The following RFX4 variants were observed in gnomAD, a reference collection of about 807,000 sequenced individuals.
RFX4 encodes transcription factor RFX4.
In RFX4, 10 loss-of-function variants were observed where a neutral mutation model predicts 95.0. The observed-to-expected ratio is 0.11, with a 90% CI of 0.06 to 0.18. The LOEUF is 0.18. Among genes scored for constraint, RFX4 ranks in the 10% least tolerant of loss-of-function variants. The pLI, the probability that RFX4 is intolerant of heterozygous loss-of-function variation, is 1.00. For missense variants in RFX4, 640 were observed against 922.0 expected (o/e 0.69, Z 3.96); for synonymous variants, 321 against 340.7 (o/e 0.94, Z 0.64).
chr12:106,733,312 T>G, intron 15 of RFX4: 1 of 415,266 alleles, frequency 2.4e-6, no homozygotes, highest in Non-Finnish European at 4.3e-6. Flanking sequence ...CAGTGAGACC[T>G]TGTCTCAAAA....
intron 1 of RFX4, among the ~76,000 whole-genome samples, chr12:106,608,054 T>A (rs2137201277): frequency 1.3e-5 from 2 of 152,118 alleles, no homozygotes; most frequent in Non-Finnish European, 2.9e-5. Flanking sequence ...TTAGCCGAAC[T>A]TGGTGGCGGG....
At chr12:106,712,773 AT>A (rs59951084) in intron 10 of RFX4, among the ~76,000 whole-genome samples, 30,510 of 151,992 alleles carry the variant, frequency 0.2, 3,387 homozygotes, top group South Asian at 0.28. Context: ...AAGAAGGTGA[AT>A]ATTGGCCTAA....
intron 3 of RFX4, among the ~76,000 whole-genome samples, chr12:106,651,521 C>T (rs1028346764): frequency 1.3e-5 from 2 of 152,204 alleles, no homozygotes; most frequent in African/African-American, 2.4e-5. Context: ...ATCTACACAT[C>T]AATCTCTCTG....
Position 106,741,952 on chromosome 12 carries a change from A to G in RFX4, c.1634-5485A>G, listed in dbSNP as rs143495001. Among the ~76,000 whole-genome samples the G allele has an allele frequency of 6.0e-3, 917 of 152,300 alleles. 4 individuals carry two copies. The highest frequency in any genetic ancestry group is 0.037 in the Middle Eastern group (11 of 294). ...AATCGAATGCTGCTTCTGATCTGAT[A>G]GGAGGCAGAGCTCAGGCAGTAATGC... On this transcript the variant is annotated intron_variant, in intron 15 of 17. Coordinates refer to ENST00000392842, the MANE Select transcript of RFX4 (RefSeq NM_213594.3).
intron 3 of RFX4, among the ~76,000 whole-genome samples, chr12:106,651,064 CAT>C: frequency 6.6e-6 from 1 of 152,252 alleles, no homozygotes; most frequent in Non-Finnish European, 1.5e-5. Flanking sequence ...TAAGCCAAAT[CAT>C]ATCCATTTGT....
chr12:106,698,199 C>T (rs922516411), intron 8 of RFX4, among the ~76,000 whole-genome samples: 1 of 152,000 alleles, frequency 6.6e-6, no homozygotes, highest in Non-Finnish European at 1.5e-5. Context: ...GTCTTGAACT[C>T]CTGACCTCAG....
intron 13 of RFX4, among the ~76,000 whole-genome samples, chr12:106,727,374 C>G (rs1007283504): frequency 3.3e-5 from 5 of 152,132 alleles, no homozygotes; most frequent in African/African-American, 1.2e-4. Flanking sequence ...CAGCAAACAT[C>G]ACACTTAATG....
chr12:106,621,029 C>T (rs1000647120), intron 2 of RFX4, among the ~76,000 whole-genome samples: 16 of 152,166 alleles, frequency 1.1e-4, no homozygotes, highest in East Asian at 1.9e-4. Flanking sequence ...TAAAAATCAC[C>T]GTTATTCTGT....
At chr12:106,630,494 C>T (rs1276836037) in intron 2 of RFX4, among the ~76,000 whole-genome samples, 1 of 152,216 alleles carries the variant, frequency 6.6e-6, no homozygotes, top group African/African-American at 2.4e-5. Context: ...GGCTGATGCC[C>T]ACTGCCAAAG....
intron 2 of RFX4, among the ~76,000 whole-genome samples, chr12:106,627,429 G>T (rs1229019818): frequency 2.0e-5 from 3 of 152,140 alleles, no homozygotes; most frequent in Non-Finnish European, 4.4e-5. Context: ...CAGCTACTTG[G>T]GAGGCTGAGG....
At position 106,637,601 on chromosome 12, in the gene RFX4, C is replaced by G. The variant is rs551752893; in HGVS notation, c.131-1731C>G. On this transcript the variant is annotated intron_variant, in intron 2 of 17. Coordinates refer to ENST00000392842, the MANE Select transcript of RFX4 (RefSeq NM_213594.3). The stretch of plus-strand genomic sequence containing the variant: ...TTTTCTTCTTGAGATTGTTATTTAT[C>G]CTAATTATCTTGGGCCAAATTTTGT... Among the ~76,000 whole-genome samples, 15 of 152,012 alleles carry G rather than the reference C, an allele frequency of 9.9e-5. No individual in the cohort carries two copies. The South Asian group carries it at 3.1e-3, about 32-fold the overall frequency.
Position 106,682,001 on chromosome 12 carries a change from G to A in RFX4, c.324G>A (p.Arg108=). The A allele has an allele frequency of 1.2e-6, 2 of 1,614,158 alleles. No individual in the cohort carries two copies. The highest frequency in any genetic ancestry group is 4.5e-5 in the East Asian group (2 of 44,886). ...VNAASFGKII[R]QQFPQLTTRR... ...CTTGTGTTGACTTACAGATCATAAG[G>A]CAGCAGTTTCCTCAGTTAACCACCA... is the stretch of plus-strand genomic sequence containing the variant. The change falls in exon 5 of 18, where the codon AGG becomes AGA. Residue 108 remains arginine, a synonymous_variant. Coordinates refer to ENST00000392842, the MANE Select transcript of RFX4 (RefSeq NM_213594.3).
At chr12:106,674,607 G>A (rs1403785578) in intron 4 of RFX4, among the ~76,000 whole-genome samples, 1 of 151,282 alleles carries the variant, frequency 6.6e-6, no homozygotes, top group Non-Finnish European at 1.5e-5. Context: ...TGGGATTATA[G>A]GCATGAACCA....
chr12:106,743,527 A>AT (rs2042841802), intron 15 of RFX4, among the ~76,000 whole-genome samples: 2 of 152,250 alleles, frequency 1.3e-5, no homozygotes, highest in South Asian at 4.2e-4. Flanking sequence ...ACAGGAGCCC[A>AT]TTTTTCCAAG....
intron 8 of RFX4, among the ~76,000 whole-genome samples, chr12:106,704,065 CAA>C (rs34213070): frequency 0.073 from 3,001 of 40,890 alleles, 167 homozygotes; most frequent in African/African-American, 0.2. Flanking sequence ...GACACTGTCT[CAA>C]AAAAAAAAAA....
chr12:106,627,920 C>T (rs142729863), intron 2 of RFX4, among the ~76,000 whole-genome samples: 1 of 152,294 alleles, frequency 6.6e-6, no homozygotes, highest in Non-Finnish European at 1.5e-5. Context: ...AGAGCTAGGG[C>T]AACACTGAGA....
intron 5 of RFX4, among the ~76,000 whole-genome samples, chr12:106,686,279 C>T (rs958088476): frequency 6.6e-6 from 1 of 151,988 alleles, no homozygotes; most frequent in African/African-American, 2.4e-5. Context: ...GGTGTGGTGG[C>T]ACATGCCTGT....
intron 3 of RFX4, among the ~76,000 whole-genome samples, chr12:106,645,450 A>G (rs1024340516): frequency 5.9e-5 from 9 of 151,930 alleles, no homozygotes; most frequent in African/African-American, 1.7e-4. Flanking sequence ...TACTGAAGAA[A>G]TGAGGCTCTT....
At chr12:106,653,417 C>G (rs2040893233) in intron 3 of RFX4, among the ~76,000 whole-genome samples, 1 of 152,282 alleles carries the variant, frequency 6.6e-6, no homozygotes, top group African/African-American at 2.4e-5. Flanking sequence ...CACACGTTAC[C>G]TCGTCTGATC....
Sources: gnomAD v4.1 joint callset for allele counts (sites outside exome capture counted in the v4.1 genomes callset) on GRCh38, gnomAD v4.1.1 for gene constraint, MANE v1.5 for transcripts, NCBI Gene and HGNC (gene_info 2026-07-23, HGNC 2026-07-21) for gene names.